RAD51B: variants seen among roughly 807,000 people sequenced by gnomAD.
RAD51B encodes RAD51 paralog B.
A neutral mutation model predicts 42.2 loss-of-function variants in RAD51B; 38 were observed. The ratio of observed to expected loss-of-function variants is 0.90; its 90% CI spans 0.70 to 1.18. RAD51B has a LOEUF of 1.18. Ranked by LOEUF, RAD51B falls within the 50% of genes most tolerant of loss-of-function variation. The pLI, the probability that RAD51B is intolerant of heterozygous loss-of-function variation, is 0.00. For missense variants in RAD51B, 373 were observed against 400.7 expected, an observed-to-expected ratio of 0.93 and a Z score of 0.59; for synonymous variants, 154 against 145.2, an observed-to-expected ratio of 1.06 and a Z score of -0.43.
intron 7 of RAD51B, among the ~76,000 whole-genome samples, chr14:68,281,760 A>G (rs1176509254): frequency 6.6e-6 from 1 of 152,228 alleles, no homozygotes; most frequent in Non-Finnish European, 1.5e-5. Flanking sequence ...ATGGTCTAGC[A>G]CCCACATGCA....
At chr14:68,312,177 T>C (rs1489340774) in intron 8 of RAD51B, among the ~76,000 whole-genome samples, 1 of 152,182 alleles carries the variant, frequency 6.6e-6, no homozygotes, top group Non-Finnish European at 1.5e-5. Context: ...GGGTAAGTTA[T>C]AAACAGAGAA....
intron 10 of RAD51B, among the ~76,000 whole-genome samples, chr14:68,638,195 A>C (rs1195812270): frequency 6.6e-6 from 1 of 152,192 alleles, no homozygotes; most frequent in Non-Finnish European, 1.5e-5. Context: ...ACACATTCAC[A>C]CATGTGTAGG....
intron 7 of RAD51B, among the ~76,000 whole-genome samples, chr14:67,888,386 T>G (rs2043123952): frequency 6.6e-6 from 1 of 152,208 alleles, no homozygotes; most frequent in Admixed American, 6.6e-5. Context: ...TGGCCCTCTG[T>G]ATCTGTGGGT....
intron 7 of RAD51B, among the ~76,000 whole-genome samples, chr14:68,169,820 T>C (rs1310617711): frequency 6.6e-6 from 1 of 152,216 alleles, no homozygotes; most frequent in East Asian, 1.9e-4. Flanking sequence ...AGGTTCTAGA[T>C]GACCTCTTTG....
At chr14:67,832,497 A>G (rs1478025330) in intron 3 of RAD51B, among the ~76,000 whole-genome samples, 1 of 151,842 alleles carries the variant, frequency 6.6e-6, no homozygotes, top group Non-Finnish European at 1.5e-5. Context: ...TAGGTATGTT[A>G]TGTTCTTTAG....
At chr14:68,441,008 C>A (rs1375058825) in intron 9 of RAD51B, among the ~76,000 whole-genome samples, 2 of 152,046 alleles carry the variant, frequency 1.3e-5, no homozygotes, top group Non-Finnish European at 2.9e-5. Context: ...ACTTTATAGA[C>A]CTTGGGGTCA....
At chr14:68,138,728 T>A (rs1320853731) in intron 7 of RAD51B, among the ~76,000 whole-genome samples, 1 of 152,170 alleles carries the variant, frequency 6.6e-6, no homozygotes, top group Non-Finnish European at 1.5e-5. Flanking sequence ...ATTGTAAAAT[T>A]ATCTTTTTAA....
In RAD51B at chr14:68,291,953, C is replaced by G; in HGVS notation, c.826C>G (p.Pro276Ala). The change falls in exon 8 of 11, where the codon CCA becomes GCA. Residue 276 changes from proline (P) to alanine (A), a missense_variant. By Grantham distance (27) the Pro-to-Ala change is conservative. Transcript: ENST00000471583. ...ALASQADLVS[P>A]ADDLSLSEGT... Reference sequence around the variant, plus strand: ...GGCTTCTCAGGCAGACCTGGTGTCTCCAGCTGATGATTTGTCCCTGTCTGA... The same window carrying G: ...GGCTTCTCAGGCAGACCTGGTGTCTGCAGCTGATGATTTGTCCCTGTCTGA... 1 of 1,613,690 alleles carries G rather than the reference C, an allele frequency of 6.2e-7. No individual in the cohort carries two copies. Among genetic ancestry groups the G allele is most frequent in the Non-Finnish European group, 8.5e-7 (1 of 1,179,628 alleles).
chr14:68,395,760 C>T (rs1030873755), intron 8 of RAD51B, among the ~76,000 whole-genome samples: 2 of 152,204 alleles, frequency 1.3e-5, no homozygotes, highest in African/African-American at 4.8e-5. Flanking sequence ...CATCCTGACT[C>T]AAGGGCTGGA....
intron 8 of RAD51B, among the ~76,000 whole-genome samples, chr14:68,379,987 T>A (rs2073343425): frequency 6.6e-6 from 1 of 152,254 alleles, no homozygotes; most frequent in South Asian, 2.1e-4. Flanking sequence ...GTCATACGAT[T>A]GCATTGTGTA....
intron 10 of RAD51B, among the ~76,000 whole-genome samples, chr14:68,475,283 T>C (rs1189777020): frequency 6.6e-6 from 1 of 152,174 alleles, no homozygotes; most frequent in Non-Finnish European, 1.5e-5. Flanking sequence ...GAATATTCGG[T>C]GACACAGCCC....
chr14:68,596,137 T>C, downstream of RAD51B: 1 of 678,556 alleles, frequency 1.5e-6, no homozygotes. Context: ...AACAGACACT[T>C]CTGGGGCAAG....
intron 11 of RAD51B, among the ~76,000 whole-genome samples, chr14:68,673,878 A>ACG (rs1331992667): frequency 7.1e-6 from 1 of 141,552 alleles, no homozygotes; most frequent in Non-Finnish European, 1.6e-5. Flanking sequence ...CATACTGTGC[A>ACG]CACACATGTA....
intron 7 of RAD51B, among the ~76,000 whole-genome samples, chr14:67,909,292 TGAAAAG>T (rs1184229822): frequency 2.0e-5 from 3 of 152,040 alleles, no homozygotes; most frequent in Non-Finnish European, 4.4e-5. Flanking sequence ...TTATAACAAA[TGAAAAG>T]TGGAGGAAGA....
At chr14:68,162,098 T>G (rs2078652161) in intron 7 of RAD51B, among the ~76,000 whole-genome samples, 1 of 152,222 alleles carries the variant, frequency 6.6e-6, no homozygotes, top group Non-Finnish European at 1.5e-5. Context: ...CGGCTGTTAC[T>G]ATTAACATCA....
intron 7 of RAD51B, among the ~76,000 whole-genome samples, chr14:67,901,472 C>G (rs748642310): frequency 6.6e-6 from 1 of 152,184 alleles, no homozygotes; most frequent in African/African-American, 2.4e-5. Context: ...AAGACCCTCC[C>G]TCTCTATCTG....
At chr14:68,409,699 C>T (rs972096461) in intron 8 of RAD51B, among the ~76,000 whole-genome samples, 3 of 152,066 alleles carry the variant, frequency 2.0e-5, no homozygotes, top group African/African-American at 7.2e-5. Flanking sequence ...GAGGTGAAGC[C>T]AGAGAGAGAT....
In RAD51B at chr14:67,835,186, C is replaced by T. The variant is rs1231137726; in HGVS notation, c.305C>T (p.Ser102Phe). 3.7e-6 allele frequency: 6 copies of T among 1,612,718 alleles called. No homozygotes were observed. In the Admixed American group the frequency reaches 5.0e-5, roughly 13 times the overall value. The change falls in exon 4 of 11, where the codon TCC becomes TTC. Residue 102 changes from serine to phenylalanine, a missense_variant. Coordinates refer to ENST00000471583, the MANE Select transcript of RAD51B (RefSeq NM_133510.4). ...EALHGGVACG[S>F]LTEITGPPGC... ...CTGCATGGTGGTGTGGCTTGTGGAT[C>T]CCTCACAGAGGTAAAGGAAAAATTT...
At chr14:67,958,688 G>A (rs1038177663) in intron 7 of RAD51B, among the ~76,000 whole-genome samples, 1 of 152,202 alleles carries the variant, frequency 6.6e-6, no homozygotes. Context: ...AGGTGAAACT[G>A]TAGCCAAGTG....
Sources: gnomAD v4.1 joint callset for allele counts (sites outside exome capture counted in the v4.1 genomes callset) on GRCh38, gnomAD v4.1.1 for gene constraint, MANE v1.5 for transcripts, NCBI Gene and HGNC (gene_info 2026-07-23, HGNC 2026-07-21) for gene names.